The following GLI3 variants were observed in gnomAD, a reference collection of about 807,000 sequenced individuals.
The protein encoded by GLI3 is transcription activator GLI3.
In GLI3, 20 loss-of-function variants were observed where a neutral mutation model predicts 100.8. The ratio of observed to expected loss-of-function variants is 0.20; its 90% CI spans 0.14 to 0.29. The LOEUF is 0.29. Among genes scored for constraint, GLI3 ranks in the 10% least tolerant of loss-of-function variants. The pLI is 1.00. For synonymous variants in GLI3, 938 were observed against 860.5 expected, an observed-to-expected ratio of 1.09 and a Z score of -1.58; for missense variants, 2,040 against 2,128.5, an observed-to-expected ratio of 0.96 and a Z score of 0.82.
chr7:42,205,082 G>T (rs1040813908), intron 2 of GLI3, among the ~76,000 whole-genome samples: 1 of 152,210 alleles, frequency 6.6e-6, no homozygotes, highest in South Asian at 2.1e-4. Flanking sequence ...GAAACTGCTG[G>T]AATTACACCT....
chr7:42,199,705 T>G (rs751736464), intron 2 of GLI3, among the ~76,000 whole-genome samples: 1 of 152,246 alleles, frequency 6.6e-6, no homozygotes, highest in Non-Finnish European at 1.5e-5. Flanking sequence ...CTATCGGATT[T>G]ATCCTGTGAT....
intron 12 of GLI3, among the ~76,000 whole-genome samples, chr7:41,975,369 G>A (rs1437037134): frequency 6.6e-6 from 1 of 152,158 alleles, no homozygotes; most frequent in East Asian, 1.9e-4. Flanking sequence ...ATTCATCTAG[G>A]ATTGTGAAAT....
intron 2 of GLI3, among the ~76,000 whole-genome samples, chr7:42,153,989 C>T (rs761530856): frequency 3.9e-5 from 6 of 151,954 alleles, no homozygotes; most frequent in Non-Finnish European, 8.8e-5. Context: ...GAATCCACAC[C>T]TCCCTGTCCC....
chr7:42,159,480 C>G (rs534738021), intron 2 of GLI3, among the ~76,000 whole-genome samples: 3 of 152,234 alleles, frequency 2.0e-5, no homozygotes, highest in Non-Finnish European at 4.4e-5. Context: ...TCTCCCTTCC[C>G]AACTAAAGAT....
At chr7:42,099,658 G>A (rs1001567320) in intron 3 of GLI3, among the ~76,000 whole-genome samples, 2 of 152,108 alleles carry the variant, frequency 1.3e-5, no homozygotes, top group African/African-American at 4.8e-5. Context: ...ATTCTCCTGA[G>A]TAGCTGGGAT....
chr7:41,981,119 C>T (rs77250250), intron 10 of GLI3, among the ~76,000 whole-genome samples: 5 of 152,208 alleles, frequency 3.3e-5, no homozygotes, highest in East Asian at 3.9e-4. Context: ...TACAGCGGAC[C>T]GATGACACAG....
chr7:42,167,218 T>C (rs774029672), intron 2 of GLI3, among the ~76,000 whole-genome samples: 21 of 152,120 alleles, frequency 1.4e-4, no homozygotes, highest in Admixed American at 6.6e-4. Context: ...CTGGTGTTCT[T>C]TAGTGGAAGA....
chr7:42,067,775 A>T (rs977641531), intron 4 of GLI3, among the ~76,000 whole-genome samples: 1 of 152,172 alleles, frequency 6.6e-6, no homozygotes, highest in Non-Finnish European at 1.5e-5. Flanking sequence ...AACCTTAAAA[A>T]AAAAGCCTTA....
Position 41,964,504 on chromosome 7 carries a change from C to T in GLI3, c.4569G>A (p.Leu1523=). 1.9e-6 allele frequency: 3 copies of T among 1,614,146 alleles called. No individual in the cohort carries two copies. The highest frequency in any genetic ancestry group is 2.5e-6 in the Non-Finnish European group (3 of 1,179,984). Reference sequence around the variant, plus strand: ...AAAGGTTCTGAATGATACTTGGGCTCAGGGCCCCCGACATCAGGCTGGAGT... The same window carrying T: ...AAAGGTTCTGAATGATACTTGGGCTTAGGGCCCCCGACATCAGGCTGGAGT... The part of the protein sequence containing the change: ...GDHSSLMSGA[L]SPSIIQNLSH... The change falls in exon 15 of 15, where the codon CTG becomes CTA. Residue 1523 remains leucine (L), a synonymous_variant. Transcript: ENST00000395925.
In GLI3 at chr7:41,962,147, G is replaced by A. The variant is rs535731576; in HGVS notation, c.*2183C>T. On this transcript the variant is annotated 3_prime_UTR_variant, in exon 15 of 15. Coordinates refer to ENST00000395925, the MANE Select transcript of GLI3 (RefSeq NM_000168.6). Reference sequence around the variant, plus strand: ...TAACTGAGAAATGGAGGTTGCATCCGAGAATACTACTGGAAGAGCCCTCTG... The same window carrying A: ...TAACTGAGAAATGGAGGTTGCATCCAAGAATACTACTGGAAGAGCCCTCTG... The A allele has an allele frequency of 4.6e-5, 7 of 152,342 alleles. No individual in the cohort carries two copies. In the East Asian group the frequency reaches 1.2e-3, roughly 25 times the overall value. 9.4% of individuals were successfully genotyped at this position (152,342 alleles called of 1,614,324 possible). A position where few individuals can be genotyped will look rare whatever the true frequency, so the allele number is the denominator to read the frequency against.
chr7:42,065,748 C>T (rs889927745), intron 4 of GLI3, among the ~76,000 whole-genome samples: 6 of 152,154 alleles, frequency 3.9e-5, no homozygotes, highest in African/African-American at 9.7e-5. Context: ...TCACCCTACA[C>T]GGGATGATTT....
At chr7:42,219,325 T>C (rs1184442000) in intron 2 of GLI3, among the ~76,000 whole-genome samples, 15 of 152,196 alleles carry the variant, frequency 9.9e-5, no homozygotes, top group Admixed American at 9.8e-4. Context: ...TATGGGCACA[T>C]GAAACTACGG....
At chr7:42,164,468 A>G (rs531895133) in intron 2 of GLI3, among the ~76,000 whole-genome samples, 63 of 152,218 alleles carry the variant, frequency 4.1e-4, no homozygotes, top group African/African-American at 1.5e-3. Context: ...GCAGTAAGCC[A>G]AGATCATGCC....
At chr7:42,126,504 GT>G (rs1786135336) in intron 3 of GLI3, among the ~76,000 whole-genome samples, 1 of 152,174 alleles carries the variant, frequency 6.6e-6, no homozygotes, top group Non-Finnish European at 1.5e-5. Flanking sequence ...TCAGAGAACA[GT>G]TTAGATGATC....
At chr7:42,154,167 T>C (rs963383001) in intron 2 of GLI3, among the ~76,000 whole-genome samples, 1 of 151,682 alleles carries the variant, frequency 6.6e-6, no homozygotes, top group Non-Finnish European at 1.5e-5. Flanking sequence ...CCCATTAAGT[T>C]TTTGACAACA....
intron 10 of GLI3, among the ~76,000 whole-genome samples, chr7:41,989,987 CAAAAAAA>C (rs60763223): frequency 4.2e-3 from 265 of 62,858 alleles, no homozygotes; most frequent in Non-Finnish European, 6.4e-3. Context: ...ACTCTGTCTC[CAAAAAAA>C]AAAAAAAAAA....
intron 10 of GLI3, among the ~76,000 whole-genome samples, chr7:42,012,042 C>G (rs892567938): frequency 6.6e-6 from 1 of 152,072 alleles, no homozygotes; most frequent in Non-Finnish European, 1.5e-5. Flanking sequence ...CCTCACCGCT[C>G]GTGCCTCTGA....
In GLI3 at chr7:42,245,951, A is replaced by G. The variant is rs149769847; in HGVS notation, c.-43+18043T>C. 1.9e-3 allele frequency among the ~76,000 whole-genome samples: 284 copies of G among 152,110 alleles called. 2 individuals carry two copies. The highest frequency in any genetic ancestry group is 0.01 in the Middle Eastern group (3 of 294). ...ATGAGGGGAGATAGACCATAAGGAA[A>G]TGAAGCTAAATATTCTTCTCAAATA... On this transcript the variant is annotated intron_variant, in intron 1 of 2. Transcript: ENST00000678978.
At chr7:41,967,993 A>G (rs1787235504) in intron 13 of GLI3, 70 bp from the exon 14 acceptor site, 2 of 1,129,802 alleles carry the variant, frequency 1.8e-6, no homozygotes, top group Non-Finnish European at 2.7e-6. Flanking sequence ...CAATAATGAG[A>G]GCTCATGCAT....
Sources: gnomAD v4.1 joint callset for allele counts (sites outside exome capture counted in the v4.1 genomes callset) on GRCh38, gnomAD v4.1.1 for gene constraint, MANE v1.5 for transcripts, NCBI Gene and HGNC (gene_info 2026-07-23, HGNC 2026-07-21) for gene names.